DTNA: variants seen among roughly 807,000 people sequenced by gnomAD.
DTNA encodes the protein dystrophin-related protein 3.
DTNA carries 43 observed loss-of-function variants against 100.7 expected under a neutral mutation model. That is an observed-to-expected ratio of 0.43 (90% CI 0.33 to 0.55). DTNA has a LOEUF of 0.55. Among genes scored for constraint, DTNA ranks in the 20% least tolerant of loss-of-function variants. DTNA has a pLI of 0.04. For missense variants in DTNA, 798 were observed against 953.9 expected (o/e 0.84, Z 2.15); for synonymous variants, 349 against 347.9 (o/e 1.00, Z -0.04).
intron 1 of DTNA, among the ~76,000 whole-genome samples, chr18:34,505,699 AT>A (rs1198726618): frequency 6.6e-6 from 1 of 151,508 alleles, no homozygotes; most frequent in South Asian, 2.1e-4. Context: ...TATGTGTTCT[AT>A]TTCTTGGCCA....
intron 16 of DTNA, among the ~76,000 whole-genome samples, chr18:34,859,316 G>GCA (rs61182571): frequency 0.19 from 28,317 of 152,126 alleles, 3,501 homozygotes; most frequent in African/African-American, 0.36. Flanking sequence ...AGCAACGAAA[G>GCA]CAGATTTATT....
At position 34,540,086 on chromosome 18, in the gene DTNA, C is replaced by G. The variant is rs536013690; in HGVS notation, c.-2+46572C>G. 2.6e-5 allele frequency among the ~76,000 whole-genome samples: 4 copies of G among 151,918 alleles called. No homozygotes were observed. The South Asian group carries it at 8.3e-4, about 32-fold the overall frequency. On this transcript the variant is annotated intron_variant, in intron 1 of 19. Transcript: ENST00000283365. Reference sequence around the variant, plus strand: ...GAACTCTCAGATATTAATATTAAATCTCTTTAAGCTTTTTATTTAATAAAT... The same window carrying G: ...GAACTCTCAGATATTAATATTAAATGTCTTTAAGCTTTTTATTTAATAAAT...
upstream of DTNA, among the ~76,000 whole-genome samples, chr18:34,707,879 G>A (rs146091354): frequency 5.9e-5 from 9 of 152,186 alleles, no homozygotes; most frequent in African/African-American, 2.2e-4. Context: ...TTTTTGGATT[G>A]GATCATCATG....
Position 34,685,623 on chromosome 18 carries a change from T to A in DTNA, c.-1-70353T>A, listed in dbSNP as rs548686939. Reference sequence around the variant, plus strand: ...TTAGGATTGTCTTGGCTATACAGGCTCTTTTTTGTTTCCATATGAAACTGA... The same window carrying A: ...TTAGGATTGTCTTGGCTATACAGGCACTTTTTTGTTTCCATATGAAACTGA... On this transcript the variant is annotated intron_variant, in intron 1 of 19. Transcript: ENST00000283365. Among the ~76,000 whole-genome samples the A allele has an allele frequency of 1.7e-3, 258 of 152,338 alleles. 2 individuals are homozygous for A. Among genetic ancestry groups the A allele is most frequent in the African/African-American group, 6.0e-3 (249 of 41,576 alleles).
chr18:34,684,310 C>T lies in DTNA; in HGVS notation c.-1-71666C>T, dbSNP rs140388647. Among the ~76,000 whole-genome samples, 691 of 152,182 alleles carry T rather than the reference C, an allele frequency of 4.5e-3. 6 individuals are homozygous for T. Among genetic ancestry groups the T allele is most frequent in the African/African-American group, 0.015 (638 of 41,498 alleles). ...CTATCCCTCCCCTTGCCCCCCATCC[C>T]GCAACAAGCCCTGGTGTGTGATGTT... On this transcript the variant is annotated intron_variant, in intron 1 of 19. Coordinates refer to the DTNA transcript ENST00000283365.
At chr18:34,699,816 T>G (rs2081120533) in intron 1 of DTNA, among the ~76,000 whole-genome samples, 1 of 152,144 alleles carries the variant, frequency 6.6e-6, no homozygotes, top group Non-Finnish European at 1.5e-5. Flanking sequence ...CCATCCATAT[T>G]AGTCTATGCT....
intron 1 of DTNA, among the ~76,000 whole-genome samples, chr18:34,754,690 TC>T (rs2092649989): frequency 6.6e-6 from 1 of 152,208 alleles, no homozygotes; most frequent in Non-Finnish European, 1.5e-5. Context: ...AATGTGTTGA[TC>T]CGTGTATACA....
intron 1 of DTNA, among the ~76,000 whole-genome samples, chr18:34,667,723 T>C (rs932533072): frequency 3.3e-5 from 5 of 152,186 alleles, no homozygotes; most frequent in Non-Finnish European, 7.3e-5. Flanking sequence ...TGCTGGATTA[T>C]GTTTATTGAT....
intron 1 of DTNA, among the ~76,000 whole-genome samples, chr18:34,542,205 G>A (rs1319495016): frequency 6.6e-6 from 1 of 151,958 alleles, no homozygotes; most frequent in Non-Finnish European, 1.5e-5. Context: ...TGTAGTAAGT[G>A]TCTACTAAAT....
chr18:34,794,308 T>G lies in DTNA; in HGVS notation c.362+58T>G, dbSNP rs1457329326. The G allele has an allele frequency of 5.0e-6, 8 of 1,600,062 alleles. No homozygotes were observed. In the East Asian group the frequency reaches 1.1e-4, roughly 22 times the overall value. On this transcript the variant is annotated intron_variant, in intron 4 of 22. Coordinates refer to ENST00000444659, the MANE Select transcript of DTNA (RefSeq NM_001386795.1). ...CATGTTTGGCTTTCACTTCCTGTCTTACTTGGTCTTTTTCCCAAACAATTT... is the reference window on the plus strand; with the variant it reads ...CATGTTTGGCTTTCACTTCCTGTCTGACTTGGTCTTTTTCCCAAACAATTT...
intron 1 of DTNA, among the ~76,000 whole-genome samples, chr18:34,635,634 G>A (rs79637484): frequency 0.076 from 11,515 of 152,088 alleles, 541 homozygotes; most frequent in African/African-American, 0.11. Context: ...TCATTTGGAG[G>A]ATATTGGTTT....
chr18:34,732,045 C>T (rs1237536855), intron 1 of DTNA, among the ~76,000 whole-genome samples: 2 of 152,174 alleles, frequency 1.3e-5, no homozygotes, highest in African/African-American at 4.8e-5. Context: ...TCCTCCCTAT[C>T]CAAGTTCCAT....
intron 1 of DTNA, among the ~76,000 whole-genome samples, chr18:34,512,333 T>C (rs2041174043): frequency 6.6e-6 from 1 of 152,050 alleles, no homozygotes; most frequent in African/African-American, 2.4e-5. Context: ...AATGTACAAA[T>C]TCATCTCAGA....
intron 1 of DTNA, among the ~76,000 whole-genome samples, chr18:34,695,287 A>G (rs1467334557): frequency 2.0e-5 from 3 of 152,150 alleles, no homozygotes; most frequent in African/African-American, 7.2e-5. Flanking sequence ...TGTAACTGCA[A>G]GCATGAAGGT....
chr18:34,641,924 A>G (rs996355576), intron 1 of DTNA, among the ~76,000 whole-genome samples: 9 of 152,194 alleles, frequency 5.9e-5, no homozygotes, highest in African/African-American at 2.2e-4. Flanking sequence ...TAATCCCTGA[A>G]AAACAGTCAC....
At chr18:34,622,217 A>G (rs914597786) in intron 1 of DTNA, among the ~76,000 whole-genome samples, 5 of 152,242 alleles carry the variant, frequency 3.3e-5, no homozygotes, top group Admixed American at 1.3e-4. Flanking sequence ...CAATGTATAC[A>G]TATATCAAAA....
chr18:34,611,646 CA>C (rs979261769), intron 1 of DTNA, among the ~76,000 whole-genome samples: 9 of 152,242 alleles, frequency 5.9e-5, no homozygotes, highest in African/African-American at 2.2e-4. Context: ...AGAAGGGGCA[CA>C]GGGGGAAAAC....
intron 1 of DTNA, among the ~76,000 whole-genome samples, chr18:34,614,828 A>G (rs1429660965): frequency 6.6e-6 from 1 of 152,234 alleles, no homozygotes; most frequent in African/African-American, 2.4e-5. Context: ...AAAGTAATGT[A>G]CAGTATTTCA....
At chr18:34,713,791 T>C (rs964140543) in intron 1 of DTNA, among the ~76,000 whole-genome samples, 1 of 152,076 alleles carries the variant, frequency 6.6e-6, no homozygotes, top group Non-Finnish European at 1.5e-5. Flanking sequence ...TCCTCTTTTA[T>C]TTCCTTGAGC....
Sources: allele counts gnomAD v4.1 joint callset (sites outside exome capture counted in the v4.1 genomes callset), GRCh38; gene constraint gnomAD v4.1.1; transcripts MANE v1.5; gene names NCBI Gene and HGNC (gene_info 2026-07-23, HGNC 2026-07-21).